ETS1: variants seen among roughly 807,000 people sequenced by gnomAD.
ETS1 encodes ETS proto-oncogene 1, transcription factor, also known as protein C-ets-1.
Under a neutral mutation model 58.6 loss-of-function variants are expected in ETS1, and 15 were observed. The observed-to-expected ratio is 0.26, with a 90% confidence interval of 0.17 to 0.39. ETS1 has a LOEUF of 0.39. Among genes scored for constraint, ETS1 ranks in the 10% least tolerant of loss-of-function variants. ETS1 has a pLI of 1.00. For synonymous variants in ETS1, 214 were observed against 218.2 expected, an observed-to-expected ratio of 0.98 and a Z score of 0.17; for missense variants, 417 against 610.5, an observed-to-expected ratio of 0.68 and a Z score of 3.34.
intron 5 of ETS1, among the ~76,000 whole-genome samples, chr11:128,487,781 T>C (rs1862676879): frequency 6.6e-6 from 1 of 151,786 alleles, no homozygotes. Flanking sequence ...ATACTGAAAG[T>C]TGAAATAAAA....
intron 1 of ETS1, among the ~76,000 whole-genome samples, chr11:128,581,269 C>A (rs911133625): frequency 6.6e-6 from 1 of 152,152 alleles, no homozygotes; most frequent in Non-Finnish European, 1.5e-5. Context: ...AAGAAAATGC[C>A]AATTCTAGTC....
intron 5 of ETS1, 142 bp downstream of exon 5, chr11:128,489,148 G>T: frequency 2.8e-6 from 2 of 727,164 alleles, no homozygotes; most frequent in Non-Finnish European, 5.0e-6. Flanking sequence ...GCTGAGCAGT[G>T]TACTAGGCAC....
At chr11:128,534,054 TTTTC>T (rs1235002391) in intron 3 of ETS1, among the ~76,000 whole-genome samples, 8 of 152,240 alleles carry the variant, frequency 5.3e-5, no homozygotes, top group African/African-American at 1.7e-4. Flanking sequence ...TATGACATGG[TTTTC>T]TTTGTTTGAA....
At chr11:128,468,586 C>T (rs1047327094) in intron 8 of ETS1, among the ~76,000 whole-genome samples, 1 of 152,156 alleles carries the variant, frequency 6.6e-6, no homozygotes, top group Admixed American at 6.5e-5. Flanking sequence ...CACAAGTTCT[C>T]ACTCTTGTCA....
At position 128,459,949 on chromosome 11, in the gene ETS1, T is replaced by C. The variant is rs1423339119; in HGVS notation, c.*2412A>G. 1 of 152,334 alleles carries C rather than the reference T, an allele frequency of 6.6e-6. No homozygotes were observed. Among genetic ancestry groups the C allele is most frequent in the Non-Finnish European group, 1.5e-5 (1 of 68,020 alleles). The allele number at this position is 152,334 out of a possible 1,614,324, so 9.4% of individuals were successfully genotyped here. A position where few individuals can be genotyped will look rare whatever the true frequency, so the allele number is the denominator to read the frequency against. On this transcript the variant is annotated 3_prime_UTR_variant, in exon 10 of 10. Transcript: ENST00000392668. ...TTTGAGAAAGTGATTTTATGCCTGG[T>C]TGCAAACAGCAAGCAATAATTGATA...
At chr11:128,484,757 A>G in intron 7 of ETS1, 66 bp downstream of exon 7, 1 of 1,509,400 alleles carries the variant, frequency 6.6e-7, no homozygotes, top group Non-Finnish European at 9.0e-7. Context: ...TGGAACCTGA[A>G]AAAAACTCAC....
chr11:128,518,666 G>A (rs1361967925), intron 3 of ETS1, among the ~76,000 whole-genome samples: 3 of 152,158 alleles, frequency 2.0e-5, no homozygotes, highest in Non-Finnish European at 2.9e-5. Context: ...GAGTATGGTC[G>A]GCGGGGATCT....
In ETS1 at chr11:128,460,097, C is replaced by A. The variant is rs11221316; in HGVS notation, c.*2264G>T. The A allele has an allele frequency of 1.8e-4, 8 of 45,712 alleles. No homozygotes were observed. The highest frequency in any genetic ancestry group is 1.8e-3 in the East Asian group (2 of 1,104). The allele number at this position is 45,712 out of a possible 1,614,324, so 2.8% of individuals were successfully genotyped here. On this transcript the variant is annotated 3_prime_UTR_variant, in exon 10 of 10. Coordinates refer to ENST00000392668, the MANE Select transcript of ETS1 (RefSeq NM_001143820.2). ...ACACACACACACACACACACACACA[C>A]ACACACACACACACACACAACATTC...
At chr11:128,513,635 C>A (rs1591632920) in intron 3 of ETS1, among the ~76,000 whole-genome samples, 1 of 152,204 alleles carries the variant, frequency 6.6e-6, no homozygotes, top group Non-Finnish European at 1.5e-5. Context: ...ATGGAATTAA[C>A]TTAAATTTTT....
chr11:128,499,402 T>G (rs1255716845), intron 3 of ETS1, among the ~76,000 whole-genome samples: 2 of 134,372 alleles, frequency 1.5e-5, no homozygotes, highest in African/African-American at 5.5e-5. Flanking sequence ...TATTCTCATA[T>G]GATTTTTCAA....
intron 3 of ETS1, among the ~76,000 whole-genome samples, chr11:128,525,191 G>A (rs931382334): frequency 9.9e-5 from 15 of 151,636 alleles, no homozygotes; most frequent in East Asian, 5.8e-4. Context: ...CACTAGGAAC[G>A]TGAAGTCAAT....
At position 128,463,415 on chromosome 11, in the gene ETS1, TC is replaced by T; in HGVS notation, c.1242+93del. 1 of 759,802 alleles carries T rather than the reference TC, an allele frequency of 1.3e-6. No individual in the cohort carries two copies. Among genetic ancestry groups the T allele is most frequent in the Admixed American group, 1.9e-5 (1 of 53,462 alleles). 47.1% of individuals were successfully genotyped at this position (759,802 alleles called of 1,614,324 possible). ...CAAGTGGCAGAGCTGGGAATCCCAA[TC>T]CTGGAACACGTCATTCAGGCCCACG... On this transcript the variant is annotated intron_variant, in intron 9 of 9. Coordinates refer to ENST00000392668, the MANE Select transcript of ETS1 (RefSeq NM_001143820.2). The surrounding 1 kb of genome is among the most constrained non-coding windows in gnomAD (Gnocchi z 4.1).
intron 3 of ETS1, among the ~76,000 whole-genome samples, chr11:128,495,211 C>G (rs1279668529): frequency 6.6e-6 from 1 of 152,080 alleles, no homozygotes; most frequent in African/African-American, 2.4e-5. Flanking sequence ...GGGCTAGAAG[C>G]CAGTCTTCTA....
At chr11:128,558,679 A>T (rs1864355070) in intron 2 of ETS1, among the ~76,000 whole-genome samples, 2 of 122,634 alleles carry the variant, frequency 1.6e-5, no homozygotes, top group African/African-American at 2.8e-5. Flanking sequence ...AAAAAAAAAA[A>T]AAAAAGAGAG....
Position 128,462,331 on chromosome 11 carries a change from A to G in ETS1, c.*30T>C. 1.9e-6 allele frequency: 3 copies of G among 1,561,486 alleles called. No individual in the cohort carries two copies. The highest frequency in any genetic ancestry group is 2.6e-6 in the Non-Finnish European group (3 of 1,133,702). On this transcript the variant is annotated 3_prime_UTR_variant, in exon 10 of 10. Coordinates refer to ENST00000392668, the MANE Select transcript of ETS1 (RefSeq NM_001143820.2). Reference sequence around the variant, plus strand: ...AACACGGCTGTCCTTGGAAGGTCTCAGCAGGGTTTCCCCAGCCCCTTCAGT... The same window carrying G: ...AACACGGCTGTCCTTGGAAGGTCTCGGCAGGGTTTCCCCAGCCCCTTCAGT...
At chr11:128,518,528 G>A (rs2135512971) in intron 3 of ETS1, among the ~76,000 whole-genome samples, 1 of 152,336 alleles carries the variant, frequency 6.6e-6, no homozygotes, top group Non-Finnish European at 1.5e-5. Context: ...GCAGAAGCTG[G>A]AGCACAGAGA....
Position 128,464,953 on chromosome 11 carries a change from GA to G in ETS1, c.1124-1327del, listed in dbSNP as rs566368773. 8.5e-4 allele frequency among the ~76,000 whole-genome samples: 130 copies of G among 152,304 alleles called. No homozygotes were observed. The highest frequency in any genetic ancestry group is 2.9e-3 in the African/African-American group (120 of 41,566). The stretch of plus-strand genomic sequence containing the variant: ...TTACGGCTTCCTTTCTAATGGTGCA[GA>G]AAAAGTGCTCAGCAAAGTACTGTGA... On this transcript the variant is annotated intron_variant, in intron 8 of 9. Transcript: ENST00000392668. The surrounding 1 kb of genome is among the most constrained non-coding windows in gnomAD (Gnocchi z 4.1).
chr11:128,574,319 T>C lies in ETS1; in HGVS notation c.-14-1175A>G, dbSNP rs527622927. Reference sequence around the variant, plus strand: ...TAACTAAAACTTTGCCTTTTTCTTATGTCTTTTCTTCCAGATGTAGAATGC... The same window carrying C: ...TAACTAAAACTTTGCCTTTTTCTTACGTCTTTTCTTCCAGATGTAGAATGC... On this transcript the variant is annotated intron_variant, in intron 1 of 9. Coordinates refer to ENST00000392668, the MANE Select transcript of ETS1 (RefSeq NM_001143820.2). 3.3e-5 allele frequency among the ~76,000 whole-genome samples: 5 copies of C among 152,366 alleles called. No individual in the cohort carries two copies. The South Asian group carries it at 1.0e-3, about 32-fold the overall frequency.
At chr11:128,564,171 G>A (rs2135566463) in intron 2 of ETS1, among the ~76,000 whole-genome samples, 1 of 152,260 alleles carries the variant, frequency 6.6e-6, no homozygotes, top group East Asian at 1.9e-4. Flanking sequence ...AAGGGAAGGA[G>A]GCAAACAGAA....
Sources: allele counts gnomAD v4.1 joint callset (sites outside exome capture counted in the v4.1 genomes callset), GRCh38; gene constraint gnomAD v4.1.1; non-coding constraint Gnocchi (gnomAD v3.1); transcripts MANE v1.5; gene names NCBI Gene and HGNC (gene_info 2026-07-23, HGNC 2026-07-21).